The following PRKAA2 variants were observed in gnomAD, a reference collection of about 807,000 sequenced individuals.
PRKAA2 encodes 5'-AMP-activated protein kinase catalytic subunit alpha-2.
Under a neutral mutation model 56.3 loss-of-function variants are expected in PRKAA2, and 40 were observed. The observed-to-expected ratio is 0.71, with a 90% CI of 0.55 to 0.92. The LOEUF (loss-of-function observed/expected upper bound fraction) is 0.92, where lower values mean the gene tolerates loss of function less well. Ranked by LOEUF, PRKAA2 falls within the 40% of genes least tolerant of loss-of-function variation. The probability of loss-of-function intolerance (pLI) is 0.00; values close to 1 mark genes in which losing one functional copy is unlikely to be tolerated. For synonymous variants in PRKAA2, 214 were observed against 234.2 expected (o/e 0.91, Z 0.79); for missense variants, 542 against 686.9 (o/e 0.79, Z 2.36).
At chr1:56,671,780 G>T (rs1644078939) in intron 1 of PRKAA2, among the ~76,000 whole-genome samples, 1 of 152,126 alleles carries the variant, frequency 6.6e-6, no homozygotes, top group Non-Finnish European at 1.5e-5. Context: ...CACTTACTGT[G>T]TGACCTTGGG....
At chr1:56,699,691 G>A (rs929422017) in intron 6 of PRKAA2, among the ~76,000 whole-genome samples, 5 of 151,584 alleles carry the variant, frequency 3.3e-5, no homozygotes, top group African/African-American at 4.9e-5. Context: ...TAATCATTAC[G>A]GCCATCTAAT....
At position 56,692,539 on chromosome 1, in the gene PRKAA2, T is replaced by C. The variant is rs761952647; in HGVS notation, c.475+37T>C. On this transcript the variant is annotated intron_variant, in intron 4 of 8. Transcript: ENST00000371244. ...CAGGGTTGTTCAGAAAGGTACTAGC[T>C]ACCTTTTAAAGCATAACAACTCATT... 5.1e-5 allele frequency: 82 copies of C among 1,596,212 alleles called. 1 individual carries two copies. The South Asian group carries it at 9.1e-4, about 18-fold the overall frequency.
At chr1:56,686,077 G>C (rs1644188940) in intron 2 of PRKAA2, among the ~76,000 whole-genome samples, 1 of 152,080 alleles carries the variant, frequency 6.6e-6, no homozygotes. Flanking sequence ...CTTTTACAAA[G>C]TTAATAACCA....
At chr1:56,668,130 A>G (rs1644048383) in intron 1 of PRKAA2, among the ~76,000 whole-genome samples, 1 of 152,106 alleles carries the variant, frequency 6.6e-6, no homozygotes, top group Non-Finnish European at 1.5e-5. Context: ...AAACTTTTCA[A>G]GCACCAAAAA....
At chr1:56,657,076 A>G (rs1157348009) in intron 1 of PRKAA2, among the ~76,000 whole-genome samples, 2 of 152,200 alleles carry the variant, frequency 1.3e-5, no homozygotes, top group Non-Finnish European at 2.9e-5. Flanking sequence ...TAAGAAAACC[A>G]TTCCTAGAGA....
At chr1:56,706,468 A>G (rs1644333113) in intron 8 of PRKAA2, among the ~76,000 whole-genome samples, 1 of 152,242 alleles carries the variant, frequency 6.6e-6, no homozygotes, top group Non-Finnish European at 1.5e-5. Flanking sequence ...CGTGGAGCAC[A>G]AGTAAGGAAC....
At chr1:56,685,181 C>G (rs960156268) in intron 2 of PRKAA2, among the ~76,000 whole-genome samples, 2 of 152,102 alleles carry the variant, frequency 1.3e-5, no homozygotes, top group Non-Finnish European at 2.9e-5. Context: ...TACAGATAAA[C>G]AAGAAGTCCA....
chr1:56,683,071 A>ATTTT (rs10606990), intron 2 of PRKAA2, among the ~76,000 whole-genome samples: 3 of 87,214 alleles, frequency 3.4e-5, no homozygotes, highest in African/African-American at 8.7e-5. Context: ...AAAGAAAGGA[A>ATTTT]TTTTTTTTTT....
chr1:56,701,052 A>G (rs1206064456), intron 6 of PRKAA2, among the ~76,000 whole-genome samples: 1 of 151,988 alleles, frequency 6.6e-6, no homozygotes, highest in Non-Finnish European at 1.5e-5. Context: ...GAAAAAATTG[A>G]TTTTCACAGT....
rs376028784 is a variant in PRKAA2, at chr1:56,648,977, T to G, written c.94+3496T>G. On this transcript the variant is annotated intron_variant, in intron 1 of 8. Transcript: ENST00000371244. The stretch of plus-strand genomic sequence containing the variant: ...ATACAGATCCTTTAATGGATATATT[T>G]TGCAAATATTTTCTTCCAGTCTGTT... Among the ~76,000 whole-genome samples, 10 of 152,336 alleles carry G rather than the reference T, an allele frequency of 6.6e-5. No individual in the cohort carries two copies. The East Asian group carries it at 1.7e-3, about 26-fold the overall frequency.
chr1:56,688,882 C>T (rs968348101), intron 2 of PRKAA2, among the ~76,000 whole-genome samples: 1 of 152,188 alleles, frequency 6.6e-6, no homozygotes, highest in South Asian at 2.1e-4. Context: ...GAGTACAATA[C>T]AAGTAGGTAC....
In PRKAA2 at chr1:56,686,946, G is replaced by A. The variant is rs144112269; in HGVS notation, c.237-4448G>A. ...GTTGCCCAGGCTGGAGTGCAATGGC[G>A]TGATCTCAGCTTACCGCAACCTCCA... On this transcript the variant is annotated intron_variant, in intron 2 of 8. Coordinates refer to ENST00000371244, the MANE Select transcript of PRKAA2 (RefSeq NM_006252.4). Among the ~76,000 whole-genome samples the A allele has an allele frequency of 4.7e-3, 710 of 150,532 alleles. 5 individuals are homozygous for A. Among genetic ancestry groups the A allele is most frequent in the Non-Finnish European group, 8.2e-3 (558 of 67,780 alleles).
At position 56,691,465 on chromosome 1, in the gene PRKAA2, A is replaced by G; in HGVS notation, c.308A>G (p.Asp103Gly). ...TATGTGTCTGGAGGTGAATTATTTG[A>G]CTACATCTGTAAGCATGGACGGGTG... Reference protein sequence around the residue: ...MEYVSGGELFDYICKHGRVEE... With the variant: ...MEYVSGGELFGYICKHGRVEE... The change falls in exon 3 of 9, where the codon GAC (aspartate) becomes GGC (glycine). Residue 103 changes from aspartate to glycine, a missense_variant. Asp to Gly is a moderately conservative substitution (Grantham distance 94). Around this residue, in one of 5 missense-constraint regions of PRKAA2, gnomAD observed 121 missense variants for 210.0 expected, o/e 0.58. Transcript: ENST00000371244. 1 of 1,611,110 alleles carries G rather than the reference A, an allele frequency of 6.2e-7. No homozygotes were observed. The highest frequency in any genetic ancestry group is 8.5e-7 in the Non-Finnish European group (1 of 1,177,658).
intron 6 of PRKAA2, among the ~76,000 whole-genome samples, chr1:56,701,521 C>T (rs1644293305): frequency 6.6e-6 from 1 of 152,106 alleles, no homozygotes; most frequent in African/African-American, 2.4e-5. Context: ...CATACTTTGT[C>T]TATTTATCAT....
At chr1:56,653,113 A>G (rs1306530861) in intron 1 of PRKAA2, among the ~76,000 whole-genome samples, 1 of 148,206 alleles carries the variant, frequency 6.7e-6, no homozygotes, top group African/African-American at 2.5e-5. Context: ...GAAATTATGC[A>G]AATTCTAAAC....
intron 1 of PRKAA2, among the ~76,000 whole-genome samples, chr1:56,663,031 T>C (rs907379413): frequency 8.5e-5 from 13 of 152,176 alleles, no homozygotes; most frequent in African/African-American, 2.9e-4. Flanking sequence ...ACAAAATGCC[T>C]GAAGATCCCA....
intron 1 of PRKAA2, among the ~76,000 whole-genome samples, chr1:56,652,167 C>T (rs1232668863): frequency 6.6e-6 from 1 of 151,506 alleles, no homozygotes; most frequent in Non-Finnish European, 1.5e-5. Flanking sequence ...CGTGCACCAC[C>T]ACGCCCTGCT....
intron 2 of PRKAA2, among the ~76,000 whole-genome samples, chr1:56,680,114 G>T (rs967713740): frequency 3.3e-5 from 5 of 152,072 alleles, no homozygotes; most frequent in African/African-American, 1.2e-4. Context: ...GTTAAACGTG[G>T]ATTTTTGATG....
chr1:56,696,899 T>A (rs1311107324), intron 6 of PRKAA2, among the ~76,000 whole-genome samples: 2 of 152,120 alleles, frequency 1.3e-5, no homozygotes, highest in African/African-American at 4.8e-5. Context: ...TCAAGGCATG[T>A]TTCTTAGAGG....
Sources: allele counts gnomAD v4.1 joint callset (sites outside exome capture counted in the v4.1 genomes callset), GRCh38; gene constraint gnomAD v4.1.1; regional missense constraint gnomAD v4.1.1; transcripts MANE v1.5; gene names NCBI Gene and HGNC (gene_info 2026-07-23, HGNC 2026-07-21).